Variants in SMAD3 observed in about 807,000 individuals in gnomAD.
The protein encoded by SMAD3 is SMAD family member 3.
Under a neutral mutation model 51.8 loss-of-function variants are expected in SMAD3, and 12 were observed. The observed-to-expected ratio is 0.23, with a 90% CI of 0.15 to 0.38. The LOEUF (loss-of-function observed/expected upper bound fraction) is 0.38. Among genes scored for constraint, SMAD3 ranks in the 10% least tolerant of loss-of-function variants. SMAD3 has a pLI of 1.00. For synonymous variants in SMAD3, 238 were observed against 227.7 expected (o/e 1.05, Z -0.41); for missense variants, 294 against 565.6 (o/e 0.52, Z 4.87).
rs144413643 is a variant in SMAD3, at chr15:67,175,212, C to T, written c.658+4608C>T. On this transcript the variant is annotated intron_variant, in intron 5 of 8. Transcript: ENST00000327367. ...CTGCTTTAAAGTGAGATGATTAGGG[C>T]GGAGCCATGACTGAGGAAAATAATG... 4.3e-4 allele frequency among the ~76,000 whole-genome samples: 66 copies of T among 152,226 alleles called. No homozygotes were observed. In the East Asian group the frequency reaches 9.1e-3, roughly 21 times the overall value.
At chr15:67,141,399 T>G (rs571433589) in intron 1 of SMAD3, among the ~76,000 whole-genome samples, 1 of 152,286 alleles carries the variant, frequency 6.6e-6, no homozygotes, top group East Asian at 1.9e-4. Context: ...CCAAGATGGA[T>G]GCAGTGGGAG....
chr15:67,117,210 C>T (rs912694405), intron 1 of SMAD3, among the ~76,000 whole-genome samples: 1 of 152,156 alleles, frequency 6.6e-6, no homozygotes, highest in African/African-American at 2.4e-5. Flanking sequence ...ACAGAGGCCT[C>T]ACAGGCTGAA....
intron 1 of SMAD3, among the ~76,000 whole-genome samples, chr15:67,144,872 G>A (rs182515069): frequency 3.9e-5 from 6 of 152,236 alleles, no homozygotes; most frequent in East Asian, 1.9e-4. Context: ...TCAGAGCTGC[G>A]GTTGCTGTGG....
rs1963348727 is a variant in SMAD3 at position 67,191,009 on chromosome 15, C to G, written c.*473C>G. The G allele has an allele frequency of 4.1e-6, 1 of 243,584 alleles. No individual in the cohort carries two copies. 15.1% of individuals were successfully genotyped at this position (243,584 alleles called of 1,614,324 possible). On this transcript the variant is annotated 3_prime_UTR_variant, in exon 9 of 9. Transcript: ENST00000327367. ...AGCTCTCTGACGCTTGTGACAGTGC[C>G]TCTTCCAGTGAACATTCCCAGCCCA...
intron 5 of SMAD3, among the ~76,000 whole-genome samples, chr15:67,173,000 A>G (rs1962792835): frequency 6.6e-6 from 1 of 152,126 alleles, no homozygotes. Context: ...GGGGGATTGG[A>G]AGAGGGACCA....
chr15:67,080,922 A>T lies in SMAD3; in HGVS notation c.206+14562A>T, dbSNP rs564298780. Among the ~76,000 whole-genome samples, 5 of 152,278 alleles carry T rather than the reference A, an allele frequency of 3.3e-5. 1 individual carries two copies. In the East Asian group the frequency reaches 9.7e-4, roughly 29 times the overall value. On this transcript the variant is annotated intron_variant, in intron 1 of 8. Coordinates refer to ENST00000327367, the MANE Select transcript of SMAD3 (RefSeq NM_005902.4). The stretch of plus-strand genomic sequence containing the variant: ...TCTCTTGCCCCAGATAATTTATTGG[A>T]AGTCTGGAGAGGGACTTGAGTTCTC...
chr15:67,183,031 A>ATATTTTTTTTTTTTTTT (rs1156620400), intron 6 of SMAD3, among the ~76,000 whole-genome samples: 1 of 29,698 alleles, frequency 3.4e-5, no homozygotes, highest in African/African-American at 1.7e-4. Flanking sequence ...ATATATATAT[A>ATATTTTTTTTTTTTTTT]TTTTTTTTTT....
chr15:67,172,390 C>A (rs1032606459), intron 5 of SMAD3, among the ~76,000 whole-genome samples: 23 of 152,214 alleles, frequency 1.5e-4, no homozygotes, highest in Non-Finnish European at 2.9e-4. Context: ...CAGGGTTAGG[C>A]TTCTGGGTAA....
chr15:67,144,188 G>A (rs1961912077), intron 1 of SMAD3, among the ~76,000 whole-genome samples: 1 of 151,836 alleles, frequency 6.6e-6, no homozygotes, highest in Non-Finnish European at 1.5e-5. Flanking sequence ...GGCATCCACT[G>A]ATCTGCTGTT....
chr15:67,151,957 A>G (rs966235340), intron 1 of SMAD3, among the ~76,000 whole-genome samples: 29 of 152,218 alleles, frequency 1.9e-4, no homozygotes, highest in African/African-American at 7.0e-4. Context: ...ACAATCATAT[A>G]TTACATAATA....
In SMAD3 at chr15:67,165,381, C is replaced by T. The variant is rs1454715858; in HGVS notation, c.529C>T (p.Pro177Ser). ...PAGIEPQSNI[P>S]ETPPPGYLSE... Reference sequence around the variant, plus strand: ...AGGCATCGAGCCCCAGAGCAATATTCCAGGTAGGCACGTGGGCGGCACAGG... The same window carrying T: ...AGGCATCGAGCCCCAGAGCAATATTTCAGGTAGGCACGTGGGCGGCACAGG... Residue 177 changes from proline to serine, a missense_variant, in exon 3 of 9, where the codon CCA (proline) becomes TCA (serine). This residue lies in a region of SMAD3 where 147 missense variants were observed against 260.9 expected (regional missense o/e 0.56). Coordinates refer to ENST00000327367, the MANE Select transcript of SMAD3 (RefSeq NM_005902.4). 1.2e-6 allele frequency: 2 copies of T among 1,614,140 alleles called. No individual in the cohort carries two copies. Among genetic ancestry groups the T allele is most frequent in the Non-Finnish European group, 1.7e-6 (2 of 1,180,010 alleles).
intron 1 of SMAD3, among the ~76,000 whole-genome samples, chr15:67,120,784 C>T (rs1054696044): frequency 3.3e-5 from 5 of 152,130 alleles, no homozygotes; most frequent in Non-Finnish European, 5.9e-5. Flanking sequence ...GCCCGTGGGC[C>T]GCATGTAGCC....
intron 1 of SMAD3, among the ~76,000 whole-genome samples, chr15:67,073,388 A>C (rs1224155744): frequency 2.0e-5 from 3 of 152,262 alleles, no homozygotes; most frequent in Non-Finnish European, 4.4e-5. Flanking sequence ...TTAATTAAGA[A>C]GTTTGGCTAA....
At chr15:67,184,634 T>C in intron 6 of SMAD3, 93 bp from the exon 7 acceptor site, 1 of 1,492,906 alleles carries the variant, frequency 6.7e-7, no homozygotes, top group Non-Finnish European at 9.3e-7. Context: ...GGAGCAGCTC[T>C]GCTGTTCTGC....
intron 5 of SMAD3, among the ~76,000 whole-genome samples, chr15:67,171,278 C>G (rs1962744934): frequency 6.6e-6 from 1 of 152,182 alleles, no homozygotes; most frequent in Non-Finnish European, 1.5e-5. Flanking sequence ...TGTGTTATCT[C>G]ATGATGTTTT....
chr15:67,100,773 G>A (rs1282537029), intron 1 of SMAD3, among the ~76,000 whole-genome samples: 1 of 152,160 alleles, frequency 6.6e-6, no homozygotes, highest in African/African-American at 2.4e-5. Context: ...AAGAAAGAAT[G>A]GGACTTTCCA....
intron 1 of SMAD3, among the ~76,000 whole-genome samples, chr15:67,101,099 T>C (rs960057543): frequency 5.9e-5 from 9 of 152,176 alleles, no homozygotes; most frequent in Admixed American, 5.2e-4. Context: ...AAGTCCTGGG[T>C]TGTGTCCTTG....
chr15:67,121,231 G>A (rs1294343992), intron 1 of SMAD3, among the ~76,000 whole-genome samples: 1 of 152,200 alleles, frequency 6.6e-6, no homozygotes, highest in African/African-American at 2.4e-5. Flanking sequence ...AGCCCAGTGG[G>A]GATTTCCACG....
rs1962520179 is a variant in SMAD3 at position 67,164,483 on chromosome 15, G to A, written c.207-412G>A. Among the ~76,000 whole-genome samples the A allele has an allele frequency of 1.3e-5, 2 of 152,112 alleles. 1 individual carries two copies. The highest frequency in any genetic ancestry group is 4.1e-4 in the South Asian group (2 of 4,824). ...TGTAGTCCTCATATCTGTGCCTAAA[G>A]AACTCTCATTGTCTTCCCCAGCCCT... On this transcript the variant is annotated intron_variant, in intron 1 of 8. Transcript: ENST00000327367.
Sources: allele counts gnomAD v4.1 joint callset (sites outside exome capture counted in the v4.1 genomes callset), GRCh38; gene constraint gnomAD v4.1.1; regional missense constraint gnomAD v4.1.1; transcripts MANE v1.5; gene names NCBI Gene and HGNC (gene_info 2026-07-23, HGNC 2026-07-21).